Variants in MN1 observed in about 807,000 individuals in gnomAD.
MN1 encodes MN1 proto-oncogene, transcriptional regulator.
In MN1, 19 loss-of-function variants were observed where a neutral mutation model predicts 86.9. The ratio of observed to expected loss-of-function variants is 0.22; its 90% CI spans 0.15 to 0.32. MN1 has a LOEUF of 0.32. Among genes scored for constraint, MN1 ranks in the 10% least tolerant of loss-of-function variants. MN1 has a pLI of 1.00. For missense variants in MN1, 1,841 were observed against 1,862.0 expected, an observed-to-expected ratio of 0.99 and a Z score of 0.21; for synonymous variants, 928 against 849.6, an observed-to-expected ratio of 1.09 and a Z score of -1.60.
Position 27,797,930 on chromosome 22 carries a change from C to T in MN1, c.2614G>A (p.Gly872Ser), listed in dbSNP as rs1425399383. 9 of 1,599,074 alleles carry T rather than the reference C, an allele frequency of 5.6e-6. No homozygotes were observed. The highest frequency in any genetic ancestry group is 7.7e-6 in the Non-Finnish European group (9 of 1,172,396). ...QNETDGAAVA[G>S]NPGSDYFPGG... The stretch of plus-strand genomic sequence containing the variant: ...GGGAAGTAATCCGAGCCCGGGTTGC[C>T]GGCCACTGCCGCGCCGTCGGTCTCG... The change falls in exon 1 of 2, where the codon GGC becomes AGC. Residue 872 changes from glycine (G) to serine (S), a missense_variant. Physicochemically the swap from Gly to Ser is moderately conservative, Grantham distance 56. Coordinates refer to ENST00000302326, the MANE Select transcript of MN1 (RefSeq NM_002430.3).
chr22:27,773,553 G>A (rs548377493), intron 1 of MN1, among the ~76,000 whole-genome samples: 83 of 152,324 alleles, frequency 5.4e-4, no homozygotes, highest in Non-Finnish European at 8.4e-4. Context: ...TTTCATAGCC[G>A]AGGAAACTGA....
intron 1 of MN1, among the ~76,000 whole-genome samples, chr22:27,773,531 T>C (rs1034361921): frequency 6.6e-6 from 1 of 152,190 alleles, no homozygotes; most frequent in Non-Finnish European, 1.5e-5. Context: ...CCTCACCGCC[T>C]CCCTATGCCC....
rs570381473 is a variant in MN1, at chr22:27,786,264, T to C, written c.3781+10499A>G. On this transcript the variant is annotated intron_variant, in intron 1 of 1. Coordinates refer to ENST00000302326, the MANE Select transcript of MN1 (RefSeq NM_002430.3). ...GCCCCCCAAAGAAGCCAGGCTGAAG[T>C]GCTCGCACCATCAAAATGACACATG... is the stretch of plus-strand genomic sequence containing the variant. Among the ~76,000 whole-genome samples, 5 of 152,316 alleles carry C rather than the reference T, an allele frequency of 3.3e-5. 1 individual carries two copies. The South Asian group carries it at 6.2e-4, about 19-fold the overall frequency.
Position 27,772,386 on chromosome 22 carries a change from A to C in MN1, c.3782-21290T>G, listed in dbSNP as rs45609034. Among the ~76,000 whole-genome samples the C allele has an allele frequency of 6.1e-3, 923 of 152,274 alleles. 10 individuals carry two copies. The highest frequency in any genetic ancestry group is 0.022 in the African/African-American group (902 of 41,556). On this transcript the variant is annotated intron_variant, in intron 1 of 1. Coordinates refer to ENST00000302326, the MANE Select transcript of MN1 (RefSeq NM_002430.3). ...GCACTTCGTTACCATTTGCCTTTCGAGGGAGTTGGGGTGGAAATAGAGCAG... is the reference window on the plus strand; with the variant it reads ...GCACTTCGTTACCATTTGCCTTTCGCGGGAGTTGGGGTGGAAATAGAGCAG...
At chr22:27,769,631 C>A (rs1384228505) in intron 1 of MN1, among the ~76,000 whole-genome samples, 1 of 133,992 alleles carries the variant, frequency 7.5e-6, no homozygotes, top group African/African-American at 2.8e-5. Flanking sequence ...CGGCTCGCTG[C>A]AAGCTCCGCC....
chr22:27,790,866 AGGAGGCCCG>A (rs1933202236), intron 1 of MN1, among the ~76,000 whole-genome samples: 1 of 152,178 alleles, frequency 6.6e-6, no homozygotes, highest in Admixed American at 6.5e-5. Context: ...CCCACAGCCC[AGGAGGCCCG>A]GGAGGCTGAG....
In MN1 at chr22:27,782,171, G is replaced by A. The variant is rs570746820; in HGVS notation, c.3781+14592C>T. Among the ~76,000 whole-genome samples, 323 of 152,298 alleles carry A rather than the reference G, an allele frequency of 2.1e-3. 3 individuals are homozygous for A. Among genetic ancestry groups the A allele is most frequent in the Non-Finnish European group, 3.7e-3 (251 of 68,014 alleles). ...ATCCCACTGCTAGGAACACGTGCCC[G>A]ATGGTGGCAGGCTGTGACCAGACCA... On this transcript the variant is annotated intron_variant, in intron 1 of 1. Coordinates refer to ENST00000302326, the MANE Select transcript of MN1 (RefSeq NM_002430.3).
intron 1 of MN1, among the ~76,000 whole-genome samples, chr22:27,787,808 G>T (rs1377452729): frequency 1.3e-5 from 2 of 152,148 alleles, no homozygotes; most frequent in Non-Finnish European, 2.9e-5. Context: ...GCACGTCTGG[G>T]TCCTGACCTA....
Position 27,798,366 on chromosome 22 carries a change from C to G in MN1, c.2178G>C (p.Ser726=). 4.0e-6 allele frequency: 6 copies of G among 1,500,974 alleles called. No individual in the cohort carries two copies. The highest frequency in any genetic ancestry group is 5.3e-6 in the Non-Finnish European group (6 of 1,134,688). 93.0% of individuals were successfully genotyped at this position (1,500,974 alleles called of 1,614,324 possible). Residue 726 remains serine, a synonymous_variant, in exon 1 of 2, where the codon TCG becomes TCC. Coordinates refer to ENST00000302326, the MANE Select transcript of MN1 (RefSeq NM_002430.3). Reference sequence around the variant, plus strand: ...AGTCCGGCGGCGGGGGCCGGCGCTCCGAAGCAGCGCTGGGGAGCCCCACGC... The same window carrying G: ...AGTCCGGCGGCGGGGGCCGGCGCTCGGAAGCAGCGCTGGGGAGCCCCACGC... The part of the protein sequence containing the change: ...GAGVGLPSAA[S]ERRPPPPDFA...
chr22:27,792,128 T>C (rs1291945461), intron 1 of MN1, among the ~76,000 whole-genome samples: 1 of 152,054 alleles, frequency 6.6e-6, no homozygotes, highest in East Asian at 1.9e-4. Flanking sequence ...TCAGGAATCA[T>C]AGAATTTCCT....
At chr22:27,791,370 A>G (rs1050372118) in intron 1 of MN1, among the ~76,000 whole-genome samples, 28 of 152,068 alleles carry the variant, frequency 1.8e-4, no homozygotes, top group African/African-American at 6.8e-4. Context: ...TCCCACACTC[A>G]AATCTGTCCA....
At chr22:27,772,031 C>T (rs772923426) in intron 1 of MN1, among the ~76,000 whole-genome samples, 9 of 152,156 alleles carry the variant, frequency 5.9e-5, no homozygotes, top group Non-Finnish European at 8.8e-5. Flanking sequence ...AATCCCAGTA[C>T]TATTTGCTGA....
Position 27,799,704 on chromosome 22 carries a change from C to T in MN1, c.840G>A (p.Ala280=). 6.4e-7 allele frequency: 1 copy of T among 1,563,354 alleles called. No homozygotes were observed. ...GCATTTTGGACAAGCCCACCATGCCCGCAGCTCTGGGCATGGCCGAGGCGC... is the reference window on the plus strand; with the variant it reads ...GCATTTTGGACAAGCCCACCATGCCTGCAGCTCTGGGCATGGCCGAGGCGC... ...FPGASAMPRA[A]GMVGLSKMHA... is the part of the protein sequence containing the mutation. Residue 280 remains alanine, a synonymous_variant, in exon 1 of 2, where the codon GCG becomes GCA. Coordinates refer to ENST00000302326, the MANE Select transcript of MN1 (RefSeq NM_002430.3).
At chr22:27,790,141 C>T (rs567244162) in intron 1 of MN1, among the ~76,000 whole-genome samples, 4 of 152,244 alleles carry the variant, frequency 2.6e-5, no homozygotes, top group Non-Finnish European at 4.4e-5. Flanking sequence ...TGAAGGCCGG[C>T]ACACAAAGCG....
rs778861876 is a variant in MN1, at chr22:27,800,155, C to G, written c.389G>C (p.Gly130Ala). The G allele has an allele frequency of 9.0e-6, 14 of 1,553,238 alleles. No individual in the cohort carries two copies. In the Admixed American group the frequency reaches 2.8e-4, roughly 31 times the overall value. The change falls in exon 1 of 2, where the codon GGG (glycine) becomes GCG (alanine). Residue 130 changes from glycine (G) to alanine (A), a missense_variant. By Grantham distance (60) the Gly-to-Ala change is moderately conservative (BLOSUM62 0). Transcript: ENST00000302326. ...GCCGCCGTAGCCGAGCAGGCGACCC[C>G]CGTGCAGGCACGAGGCCCCGGGGTC... is the stretch of plus-strand genomic sequence containing the variant. ...GPDPGASCLH[G>A]GRLLGYGGAA...
chr22:27,764,855 G>T (rs3819661), intron 1 of MN1, among the ~76,000 whole-genome samples: 1 of 152,140 alleles, frequency 6.6e-6, no homozygotes, highest in Non-Finnish European at 1.5e-5. Flanking sequence ...AGATAAAGAC[G>T]CTGCTAGGGT....
intron 1 of MN1, among the ~76,000 whole-genome samples, chr22:27,758,837 T>A (rs1285117393): frequency 6.6e-6 from 1 of 152,118 alleles, no homozygotes; most frequent in Non-Finnish European, 1.5e-5. Flanking sequence ...TTTGTTTTTG[T>A]TTTTTTGAGA....
In MN1 at chr22:27,799,048, G is replaced by C. The variant is rs746216271; in HGVS notation, c.1496C>G (p.Thr499Arg). ...SAYPGLPGEF[T>R]PPVPDSFPSG... ...AGGGAAGCTGTCGGGCACAGGCGGT[G>C]TGAACTCGCCGGGTAGGCCTGGGTA... The change falls in exon 1 of 2, where the codon ACA (threonine) becomes AGA (arginine). Residue 499 changes from threonine to arginine, a missense_variant. Thr to Arg is a moderately conservative substitution (Grantham distance 71). Transcript: ENST00000302326. 5.0e-6 allele frequency: 8 copies of C among 1,611,484 alleles called. No individual in the cohort carries two copies. Among genetic ancestry groups the C allele is most frequent in the South Asian group, 1.1e-5 (1 of 90,916 alleles).
intron 1 of MN1, among the ~76,000 whole-genome samples, chr22:27,777,506 CTAAG>C (rs1415545995): frequency 2.0e-5 from 3 of 149,954 alleles, no homozygotes; most frequent in African/African-American, 7.4e-5. Context: ...GCACTCCAGC[CTAAG>C]TGACAGAGCT....
Sources: gnomAD v4.1 joint callset for allele counts (sites outside exome capture counted in the v4.1 genomes callset) on GRCh38, gnomAD v4.1.1 for gene constraint, MANE v1.5 for transcripts, NCBI Gene and HGNC (gene_info 2026-07-23, HGNC 2026-07-21) for gene names.